The following FANCA variants were observed in gnomAD, a reference collection of about 807,000 sequenced individuals.
FANCA encodes the protein Fanconi anemia group A protein.
A neutral mutation model predicts 194.3 loss-of-function variants in FANCA; 236 were observed. That is an observed-to-expected ratio of 1.21 (90% confidence interval 1.09 to 1.35). The LOEUF (loss-of-function observed/expected upper bound fraction) is 1.35, where lower values mean the gene tolerates loss of function less well. FANCA is among the 40% of genes most tolerant of loss of function. The probability of loss-of-function intolerance (pLI) is 0.00; values close to 1 mark genes in which losing one functional copy is unlikely to be tolerated. For synonymous variants in FANCA, 1,014 were observed against 715.8 expected (o/e 1.42, Z -6.65); for missense variants, 2,628 against 1,813.9 (o/e 1.45, Z -8.15).
chr16:89,738,039 C>G lies in FANCA; in HGVS notation c.*562G>C. 6.2e-7 allele frequency: 1 copy of G among 1,614,156 alleles called. No homozygotes were observed. The highest frequency in any genetic ancestry group is 8.5e-7 in the Non-Finnish European group (1 of 1,180,038). On this transcript the variant is annotated 3_prime_UTR_variant, in exon 43 of 43. Coordinates refer to ENST00000389301, the MANE Select transcript of FANCA (RefSeq NM_000135.4). ...CCCTCAAGTACCACATGACCAAACA[C>G]AAGGCTGAGACTGAGCTGGACTTTG...
At chr16:89,784,817 G>C (rs1237307781) in intron 15 of FANCA, 37 bp downstream of exon 15, 1 of 1,505,738 alleles carries the variant, frequency 6.6e-7, no homozygotes, top group South Asian at 1.1e-5. Flanking sequence ...GGTGAGCGAA[G>C]CACCAGAAAT....
chr16:89,784,987 A>G, intron 14 of FANCA, 23 bp from the exon 15 acceptor site: 1 of 1,566,978 alleles, frequency 6.4e-7, no homozygotes, highest in Non-Finnish European at 8.8e-7. Context: ...AAGAGCGTGA[A>G]GCCCAGGACA....
At chr16:89,801,539 T>C (rs1171954233) in intron 8 of FANCA, among the ~76,000 whole-genome samples, 1 of 151,990 alleles carries the variant, frequency 6.6e-6, no homozygotes, top group Admixed American at 6.6e-5. Context: ...TTATGGAAAA[T>C]AGTATGGAGA....
At chr16:89,770,114 C>G (rs751802987) in intron 25 of FANCA, 52 bp downstream of exon 25, 5 of 1,571,276 alleles carry the variant, frequency 3.2e-6, no homozygotes, top group Middle Eastern at 1.7e-4. Flanking sequence ...AAGTAGCAGC[C>G]TGGCCCTCAG....
chr16:89,784,514 C>T (rs2039831452), intron 15 of FANCA, among the ~76,000 whole-genome samples: 1 of 151,792 alleles, frequency 6.6e-6, no homozygotes, highest in East Asian at 1.9e-4. Context: ...GAGAACGTCT[C>T]TCCACGTCAC....
chr16:89,782,835 C>A (rs767314752), intron 17 of FANCA, 24 bp downstream of exon 17: 5 of 1,607,924 alleles, frequency 3.1e-6, no homozygotes, highest in Non-Finnish European at 4.3e-6. Flanking sequence ...TGGCTGAGAC[C>A]CTGCAGGGCT....
intron 29 of FANCA, among the ~76,000 whole-genome samples, chr16:89,759,964 C>T (rs3819571): frequency 0.057 from 8,581 of 150,306 alleles, 370 homozygotes; most frequent in East Asian, 0.21. Context: ...TGTGCGGGAC[C>T]GGGGTGCTCC....
intron 14 of FANCA, among the ~76,000 whole-genome samples, chr16:89,787,519 T>TA (rs1014503562): frequency 1.3e-5 from 2 of 151,524 alleles, no homozygotes; most frequent in African/African-American, 2.4e-5. Context: ...AACTCCATCT[T>TA]AAAAAAACAA....
chr16:89,806,460 A>G (rs1188207076), intron 6 of FANCA, among the ~76,000 whole-genome samples: 1 of 150,658 alleles, frequency 6.6e-6, no homozygotes, highest in Non-Finnish European at 1.5e-5. Flanking sequence ...ACAAGTGAAC[A>G]AAGGTCTCTG....
At chr16:89,762,088 A>G in intron 28 of FANCA, 66 bp from the exon 29 acceptor site, 1 of 1,309,070 alleles carries the variant, frequency 7.6e-7, no homozygotes, top group Non-Finnish European at 1.1e-6. Flanking sequence ...ACAGGTTTAT[A>G]AACCAGTTTG....
At chr16:89,773,513 A>T in intron 21 of FANCA, 129 bp from the exon 22 acceptor site, 1 of 722,990 alleles carries the variant, frequency 1.4e-6, no homozygotes, top group Non-Finnish European at 2.4e-6. Context: ...AGACGGAGGG[A>T]CTGGGAGTCT....
chr16:89,738,333 G>C lies in FANCA; in HGVS notation c.*268C>G, dbSNP rs1021626760. 4.0e-6 allele frequency: 6 copies of C among 1,498,372 alleles called. No individual in the cohort carries two copies. Among genetic ancestry groups the C allele is most frequent in the Non-Finnish European group, 5.3e-6 (6 of 1,124,034 alleles). The allele number at this position is 1,498,372 out of a possible 1,614,324, so 92.8% of individuals were successfully genotyped here. Reference sequence around the variant, plus strand: ...ACCCTTCGTGTGCACCCGCATGGGAGGGTCGGAGGGTGCTGCCCGCCCTTG... The same window carrying C: ...ACCCTTCGTGTGCACCCGCATGGGACGGTCGGAGGGTGCTGCCCGCCCTTG... On this transcript the variant is annotated 3_prime_UTR_variant, in exon 43 of 43. Transcript: ENST00000389301.
rs557498085 is a variant in FANCA at position 89,816,164 on chromosome 16, C to A, written c.80-178G>T. ...CTAACGGAGACGGCCCCACCGCGGA[C>A]GCCGGGGAAGACGGCCCAGGAGGGC... On this transcript the variant is annotated intron_variant, in intron 1 of 42. Coordinates refer to ENST00000389301, the MANE Select transcript of FANCA (RefSeq NM_000135.4). 1.6e-4 allele frequency: 106 copies of A among 658,578 alleles called. No homozygotes were observed. The African/African-American group carries it at 1.8e-3, about 11-fold the overall frequency. 40.8% of individuals were successfully genotyped at this position (658,578 alleles called of 1,614,324 possible). A position where few individuals can be genotyped will look rare whatever the true frequency, so the allele number is the denominator to read the frequency against.
intron 18 of FANCA, among the ~76,000 whole-genome samples, 181 bp downstream of exon 18, chr16:89,779,688 G>T (rs544733200): frequency 6.6e-6 from 1 of 152,334 alleles, no homozygotes; most frequent in Non-Finnish European, 1.5e-5. Context: ...TGGCCAACCT[G>T]CCCCATGTGG....
At chr16:89,803,123 A>AC in intron 8 of FANCA, 136 bp downstream of exon 8, 1 of 857,174 alleles carries the variant, frequency 1.2e-6, no homozygotes, top group Non-Finnish European at 2.0e-6. Flanking sequence ...CACTCTATGC[A>AC]CAAAACAAGT....
At chr16:89,812,564 TTAAC>T in intron 3 of FANCA, among the ~76,000 whole-genome samples, 1 of 148,804 alleles carries the variant, frequency 6.7e-6, no homozygotes, top group South Asian at 2.2e-4. Context: ...GAGAATCACT[TTAAC>T]TAGGGAGGCA....
intron 37 of FANCA, 135 bp downstream of exon 37, chr16:89,742,653 CAAAAAAAAAAAA>C (rs749345470): frequency 3.9e-5 from 12 of 310,760 alleles, no homozygotes; most frequent in African/African-American, 3.5e-4. Context: ...ACTAAAAATA[CAAAAAAAAAAAA>C]AAAAAAAAAA....
chr16:89,739,533 G>T lies in FANCA; in HGVS notation c.3955C>A (p.Leu1319Ile). ...TGCTGATCCGGGGCCACACGGAGGA[G>T]GAGCCGCCCCAGCCTGAGGTCTGCA... is the stretch of plus-strand genomic sequence containing the variant. The part of the protein sequence containing the change: ...TESDLRLGRL[L>I]LRVAPDQHTR... Residue 1319 changes from leucine to isoleucine, a missense_variant, in exon 40 of 43, where the codon CTC (leucine) becomes ATC (isoleucine). Physicochemically the swap from Leu to Ile is conservative, Grantham distance 5 (BLOSUM62 2). Transcript: ENST00000389301. 1 of 1,551,392 alleles carries T rather than the reference G, an allele frequency of 6.4e-7. No homozygotes were observed. The highest frequency in any genetic ancestry group is 8.7e-7 in the Non-Finnish European group (1 of 1,147,054).
At chr16:89,774,551 A>C (rs2039430055) in intron 21 of FANCA, among the ~76,000 whole-genome samples, 1 of 151,330 alleles carries the variant, frequency 6.6e-6, no homozygotes, top group South Asian at 2.1e-4. Context: ...TAACACGGTG[A>C]AACCCTGTCT....
Sources: gnomAD v4.1 joint callset for allele counts (sites outside exome capture counted in the v4.1 genomes callset) on GRCh38, gnomAD v4.1.1 for gene constraint, MANE v1.5 for transcripts, NCBI Gene and HGNC (gene_info 2026-07-23, HGNC 2026-07-21) for gene names.